SPACA7: variants seen among roughly 807,000 people sequenced by gnomAD.
SPACA7 encodes sperm acrosome-associated protein 7.
SPACA7 carries 19 observed loss-of-function variants against 26.3 expected under a neutral mutation model. That is an observed-to-expected ratio of 0.72 (90% CI 0.50 to 1.06). The LOEUF (loss-of-function observed/expected upper bound fraction) is 1.06. Ranked by LOEUF, SPACA7 falls within the 50% of genes least tolerant of loss-of-function variation. The pLI is 0.00. For synonymous variants in SPACA7, 84 were observed against 84.5 expected (o/e 0.99, Z 0.04); for missense variants, 211 against 229.9 (o/e 0.92, Z 0.53).
In SPACA7 at chr13:112,398,053, A is replaced by T. The variant is rs113949625; in HGVS notation, c.156A>T (p.Glu52Asp). The T allele has an allele frequency of 9.2e-5, 148 of 1,612,000 alleles. No individual in the cohort carries two copies. The highest frequency in any genetic ancestry group is 1.2e-4 in the Non-Finnish European group (145 of 1,178,346). The change falls in exon 3 of 7, where the codon GAA becomes GAT. Residue 52 changes from glutamate (E) to aspartate (D), a missense_variant. Glu to Asp is a conservative substitution (Grantham distance 45). Coordinates refer to ENST00000283550, the MANE Select transcript of SPACA7 (RefSeq NM_145248.5). Reference protein sequence around the residue: ...KQEDMSELLDEILVQEILDLN... With the variant: ...KQEDMSELLDDILVQEILDLN... ...ATCTTGTGTGCTTCTCCCAAGATGA[A>T]ATTCTGGTCCAGGAGATTTTAGATC...
rs780503292 is a variant in SPACA7 at position 112,376,362 on chromosome 13, C to T, written c.-24C>T. 4.4e-6 allele frequency: 7 copies of T among 1,608,696 alleles called. No homozygotes were observed. In the Admixed American group the frequency reaches 5.0e-5, roughly 12 times the overall value. On this transcript the variant is annotated 5_prime_UTR_variant, in exon 1 of 7. Coordinates refer to ENST00000283550, the MANE Select transcript of SPACA7 (RefSeq NM_145248.5). The stretch of plus-strand genomic sequence containing the variant: ...GGGAAACTGTCAACCTTCAGAACGT[C>T]CTTCTCCCTCAGCTGGAGGGAGCAT...
At chr13:112,425,573 A>G (rs1876459297) in intron 5 of SPACA7, among the ~76,000 whole-genome samples, 1 of 152,224 alleles carries the variant, frequency 6.6e-6, no homozygotes, top group Non-Finnish European at 1.5e-5. Context: ...GAATAAAGAC[A>G]GAGTGTAAGT....
Position 112,433,871 on chromosome 13 carries a change from GACA to G in SPACA7, c.524-611_524-609del, listed in dbSNP as rs1877459347. Among the ~76,000 whole-genome samples the G allele has an allele frequency of 2.0e-5, 3 of 152,314 alleles. No homozygotes were observed. In the East Asian group the frequency reaches 5.8e-4, roughly 29 times the overall value. On this transcript the variant is annotated intron_variant, in intron 6 of 6. Transcript: ENST00000283550. ...TATCCCAGATTGTGCCACTGTCCAG[GACA>G]ACCTCTGCTGCTTTAGATACAATTT...
chr13:112,389,380 T>A (rs1161336527), intron 1 of SPACA7, among the ~76,000 whole-genome samples: 1 of 152,256 alleles, frequency 6.6e-6, no homozygotes, highest in African/African-American at 2.4e-5. Flanking sequence ...TTTATTTGGC[T>A]AGTAACCCAA....
At chr13:112,422,136 A>C (rs978931792) in intron 5 of SPACA7, among the ~76,000 whole-genome samples, 2 of 152,216 alleles carry the variant, frequency 1.3e-5, no homozygotes, top group Non-Finnish European at 2.9e-5. Flanking sequence ...AAGAAAATTG[A>C]AGTGGCTATG....
rs533078704 is a variant in SPACA7, at chr13:112,416,923, G to A, written c.446-15521G>A. Among the ~76,000 whole-genome samples the A allele has an allele frequency of 3.3e-5, 5 of 152,070 alleles. No homozygotes were observed. The South Asian group carries it at 1.0e-3, about 32-fold the overall frequency. On this transcript the variant is annotated intron_variant, in intron 5 of 6. Coordinates refer to ENST00000283550, the MANE Select transcript of SPACA7 (RefSeq NM_145248.5). ...ATCCTGTAGCAGATTACTGAAGAATGTGCTATGGACACACAAATCTTTAGA... is the reference window on the plus strand; with the variant it reads ...ATCCTGTAGCAGATTACTGAAGAATATGCTATGGACACACAAATCTTTAGA...
At chr13:112,424,241 T>G (rs1208326106) in intron 5 of SPACA7, among the ~76,000 whole-genome samples, 2 of 152,336 alleles carry the variant, frequency 1.3e-5, no homozygotes, top group Non-Finnish European at 1.5e-5. Flanking sequence ...AGAACCTAGG[T>G]GCATCCGTGG....
intron 5 of SPACA7, among the ~76,000 whole-genome samples, chr13:112,404,978 CT>C (rs373253878): frequency 0.022 from 2,046 of 94,156 alleles, 49 homozygotes; most frequent in African/African-American, 0.07. Flanking sequence ...GTATTCTCTT[CT>C]TTTTTTTTTT....
intron 5 of SPACA7, among the ~76,000 whole-genome samples, chr13:112,401,823 T>C (rs1885662965): frequency 6.6e-6 from 1 of 152,228 alleles, no homozygotes; most frequent in Non-Finnish European, 1.5e-5. Context: ...CAGTTATCCC[T>C]GAACCATTTT....
intron 5 of SPACA7, among the ~76,000 whole-genome samples, chr13:112,402,744 T>G (rs2138967058): frequency 6.6e-6 from 1 of 152,326 alleles, no homozygotes; most frequent in Admixed American, 6.5e-5. Flanking sequence ...TTTATCATTT[T>G]TGGAGCCCAT....
Position 112,434,525 on chromosome 13 carries a change from G to C in SPACA7, c.564G>C (p.Gln188His), listed in dbSNP as rs754906499. 2.5e-5 allele frequency: 40 copies of C among 1,610,072 alleles called. No homozygotes were observed. Among genetic ancestry groups the C allele is most frequent in the Non-Finnish European group, 3.4e-5 (40 of 1,178,558 alleles). ...FHKEQQRTSAQRRSQGSQ is the reference protein window; with the variant it reads ...FHKEQQRTSAHRRSQGSQ ...AAGAGCAGCAGAGGACCAGCGCACA[G>C]AGGAGGAGCCAAGGCAGTCAGTGAG... Residue 188 changes from glutamine to histidine, a missense_variant, in exon 7 of 7, where the codon CAG becomes CAC. Coordinates refer to ENST00000283550, the MANE Select transcript of SPACA7 (RefSeq NM_145248.5).
In SPACA7 at chr13:112,377,670, T is replaced by C. The variant is rs546411769; in HGVS notation, c.94+1191T>C. Among the ~76,000 whole-genome samples, 40 of 152,184 alleles carry C rather than the reference T, an allele frequency of 2.6e-4. No homozygotes were observed. In the South Asian group the frequency reaches 8.3e-3, roughly 32 times the overall value. On this transcript the variant is annotated intron_variant, in intron 1 of 6. Transcript: ENST00000283550. ...AAGCAGACAAAAGCAGAAGCTAGGG[T>C]CAAGGCCTAGTCAAAGAGAAGACTC...
intron 2 of SPACA7, among the ~76,000 whole-genome samples, chr13:112,394,590 G>A (rs1430599578): frequency 6.6e-6 from 1 of 152,060 alleles, no homozygotes; most frequent in Non-Finnish European, 1.5e-5. Context: ...GGATGAGTGA[G>A]CGCTCCAGTG....
chr13:112,430,826 A>G (rs1226018960), intron 5 of SPACA7, among the ~76,000 whole-genome samples: 2 of 152,256 alleles, frequency 1.3e-5, no homozygotes, highest in African/African-American at 4.8e-5. Context: ...TAGAGATTAC[A>G]AATAAGCAAA....
chr13:112,413,119 A>G (rs556413352), intron 5 of SPACA7, among the ~76,000 whole-genome samples: 1 of 152,244 alleles, frequency 6.6e-6, no homozygotes, highest in Admixed American at 6.5e-5. Flanking sequence ...GCACACCACA[A>G]TTGCAGTGTT....
chr13:112,389,305 C>T (rs927280795), intron 1 of SPACA7, among the ~76,000 whole-genome samples: 2 of 152,180 alleles, frequency 1.3e-5, no homozygotes, highest in Admixed American at 1.3e-4. Context: ...ACAAAGGTGG[C>T]TTCACTATAA....
chr13:112,408,543 G>C (rs1162591927), intron 5 of SPACA7, among the ~76,000 whole-genome samples: 1 of 93,624 alleles, frequency 1.1e-5, no homozygotes, highest in Admixed American at 1.1e-4. Flanking sequence ...AAATCAATGT[G>C]CGAAAATCAC....
At chr13:112,383,115 GAAAAGAAAAGAAA>G (rs1566452891) in intron 1 of SPACA7, among the ~76,000 whole-genome samples, 1 of 7,956 alleles carries the variant, frequency 1.3e-4, no homozygotes, top group African/African-American at 2.6e-4. Context: ...GAAAAGAAAA[GAAAAGAAAAGAAA>G]GAAAGAAAGA....
At position 112,381,876 on chromosome 13, in the gene SPACA7, T is replaced by C. The variant is rs530286131; in HGVS notation, c.94+5397T>C. Among the ~76,000 whole-genome samples the C allele has an allele frequency of 4.0e-3, 613 of 152,260 alleles. 4 individuals carry two copies. Among genetic ancestry groups the C allele is most frequent in the African/African-American group, 0.014 (582 of 41,546 alleles). On this transcript the variant is annotated intron_variant, in intron 1 of 6. Transcript: ENST00000283550. The stretch of plus-strand genomic sequence containing the variant: ...GCCGGCTGATCCATCAAGGGCAGGA[T>C]CTGCAAAATATCTCAAGCACTGATC...
Sources: allele counts gnomAD v4.1 joint callset (sites outside exome capture counted in the v4.1 genomes callset), GRCh38; gene constraint gnomAD v4.1.1; transcripts MANE v1.5; gene names NCBI Gene and HGNC (gene_info 2026-07-23, HGNC 2026-07-21).